Variants in HNF1A observed in about 807,000 individuals in gnomAD.
The protein encoded by HNF1A is HNF1 homeobox A, also known as hepatocyte nuclear factor 1-alpha.
In HNF1A, 21 loss-of-function variants were observed where a neutral mutation model predicts 62.2. The ratio of observed to expected loss-of-function variants is 0.34; its 90% confidence interval spans 0.24 to 0.49. HNF1A has a LOEUF of 0.49. Among genes scored for constraint, HNF1A ranks in the 20% least tolerant of loss-of-function variants. HNF1A has a pLI of 0.99. For synonymous variants in HNF1A, 374 were observed against 366.8 expected (o/e 1.02, Z -0.22); for missense variants, 687 against 832.3 (o/e 0.83, Z 2.15).
chr12:120,984,546 T>G (rs1876416070), intron 1 of HNF1A, among the ~76,000 whole-genome samples: 1 of 151,746 alleles, frequency 6.6e-6, no homozygotes, highest in Admixed American at 6.6e-5. Flanking sequence ...TGGCTGCAGA[T>G]GGGGGAGGGG....
chr12:120,997,780 G>C (rs1048657826), intron 7 of HNF1A, 115 bp downstream of exon 7: 2 of 1,122,756 alleles, frequency 1.8e-6, no homozygotes, highest in African/African-American at 3.1e-5. Flanking sequence ...TCTGGGACAA[G>C]TGTGTTTCCG....
chr12:120,988,739 C>T, intron 1 of HNF1A, 94 bp from the exon 2 acceptor site: 1 of 1,125,576 alleles, frequency 8.9e-7, no homozygotes, highest in Non-Finnish European at 1.3e-6. Flanking sequence ...TCCCCACCCT[C>T]AGGGTTGACA....
At chr12:120,995,646 A>G (rs1490410309) in intron 4 of HNF1A, among the ~76,000 whole-genome samples, 2 of 150,624 alleles carry the variant, frequency 1.3e-5, no homozygotes, top group African/African-American at 2.5e-5. Context: ...CTGTGTTCAC[A>G]CAACTCCATC....
In HNF1A at chr12:121,001,471, TAC is replaced by T. The variant is rs1445247463; in HGVS notation, c.*281_*282del. 10 of 495,486 alleles carry T rather than the reference TAC, an allele frequency of 2.0e-5. No homozygotes were observed. The highest frequency in any genetic ancestry group is 6.5e-5 in the Admixed American group (2 of 30,608). The allele number at this position is 495,486 out of a possible 1,614,324, so 30.7% of individuals were successfully genotyped here. On this transcript the variant is annotated 3_prime_UTR_variant, in exon 10 of 10. Coordinates refer to ENST00000257555, the MANE Select transcript of HNF1A (RefSeq NM_000545.8). Reference sequence around the variant, plus strand: ...GAGGGACTGTCGCTGCTTCGTGGGATACAGTCTTCTTACTTGGAACTGAAGGG... The same window carrying T: ...GAGGGACTGTCGCTGCTTCGTGGGATAGTCTTCTTACTTGGAACTGAAGGG...
At chr12:120,986,389 T>G (rs547527746) in intron 1 of HNF1A, among the ~76,000 whole-genome samples, 80 of 152,334 alleles carry the variant, frequency 5.3e-4, no homozygotes, top group Middle Eastern at 3.4e-3. Flanking sequence ...GCAAGCAACG[T>G]GGCAAGGAAT....
chr12:120,996,204 G>A lies in HNF1A; in HGVS notation c.956-58G>A, dbSNP rs1263036936. On this transcript the variant is annotated intron_variant, in intron 4 of 9. Transcript: ENST00000257555. The surrounding 1 kb of genome is among the most constrained non-coding windows in gnomAD (Gnocchi z 4.5). ...GGAGTTTGAAGTGCTGAGGGCTGTG[G>A]AGGCAGGGGAGGGCAGGGAAGTGGG... 2.5e-6 allele frequency: 4 copies of A among 1,601,750 alleles called. No homozygotes were observed. In the East Asian group the frequency reaches 6.7e-5, roughly 27 times the overall value.
chr12:120,988,450 G>A (rs563497176), intron 1 of HNF1A, among the ~76,000 whole-genome samples: 17 of 149,838 alleles, frequency 1.1e-4, no homozygotes, highest in Non-Finnish European at 1.9e-4. Flanking sequence ...CCATCCATCC[G>A]TCCATCCACC....
intron 2 of HNF1A, among the ~76,000 whole-genome samples, chr12:120,989,864 G>C (rs1479425861): frequency 6.6e-6 from 1 of 152,146 alleles, no homozygotes; most frequent in Non-Finnish European, 1.5e-5. Flanking sequence ...AGGTCTTAAA[G>C]TGGGAGTTGA....
In HNF1A at chr12:120,999,313, G is replaced by C. The variant is rs1592897610; in HGVS notation, c.1547G>C (p.Gly516Ala). The C allele has an allele frequency of 6.2e-7, 1 of 1,613,928 alleles. No individual in the cohort carries two copies. Among genetic ancestry groups the C allele is most frequent in the Non-Finnish European group, 8.5e-7 (1 of 1,179,954 alleles). Residue 516 changes from glycine (G) to alanine (A), a missense_variant, in exon 8 of 10, where the codon GGC becomes GCC. Gly to Ala is a moderately conservative substitution (Grantham distance 60). This residue lies in a region of HNF1A where 408 missense variants were observed against 455.3 expected (regional missense o/e 0.90). Transcript: ENST00000257555. ...KPEVAQYTHT[G>A]LLPQTMLITD... The stretch of plus-strand genomic sequence containing the variant: ...GAGGTGGCCCAGTACACCCACACGG[G>C]CCTGCTCCCGCAGACTATGCTCATC...
intron 9 of HNF1A, chr12:121,000,861 G>A: frequency 1.5e-6 from 1 of 649,038 alleles, no homozygotes; most frequent in Non-Finnish European, 2.7e-6. Flanking sequence ...ATGTACTCAG[G>A]CCACTCCATG....
At chr12:120,988,698 C>A in intron 1 of HNF1A, 135 bp from the exon 2 acceptor site, 1 of 764,798 alleles carries the variant, frequency 1.3e-6, no homozygotes, top group Non-Finnish European at 2.3e-6. Context: ...ATGTGTAGGC[C>A]CCTGGGCTCC....
chr12:120,999,688 AC>A lies in HNF1A; in HGVS notation c.1768+65del, dbSNP rs193922590. On this transcript the variant is annotated intron_variant, in intron 9 of 9. Transcript: ENST00000257555. ...CCCTGCCCCCTTCCATGTTGGTCCCACCCCTTCTGTTGCTGTCCGTCACTGT... is the reference window on the plus strand; with the variant it reads ...CCCTGCCCCCTTCCATGTTGGTCCCACCCTTCTGTTGCTGTCCGTCACTGT... The A allele has an allele frequency of 1.1e-3, 1,696 of 1,559,298 alleles. 2 individuals are homozygous for A. Among genetic ancestry groups the A allele is most frequent in the Admixed American group, 1.3e-3 (76 of 57,772 alleles).
chr12:120,982,467 G>A (rs1361502670), intron 1 of HNF1A, among the ~76,000 whole-genome samples: 2 of 138,514 alleles, frequency 1.4e-5, no homozygotes, highest in South Asian at 4.6e-4. Flanking sequence ...AGGAGGGGGG[G>A]GGGACAGAGG....
At chr12:120,987,399 C>T (rs1768801076) in intron 1 of HNF1A, among the ~76,000 whole-genome samples, 1 of 148,732 alleles carries the variant, frequency 6.7e-6, no homozygotes, top group African/African-American at 2.5e-5. Context: ...GGCATGAACC[C>T]AGGAGGTGGA....
chr12:121,000,982 C>A (rs1877423386), intron 9 of HNF1A, 83 bp from the exon 10 acceptor site: 1 of 1,584,640 alleles, frequency 6.3e-7, no homozygotes, highest in African/African-American at 1.3e-5. Flanking sequence ...CCTGCCTCCC[C>A]ATCCTGAGTA....
Position 120,996,659 on chromosome 12 carries a change from C to A in HNF1A, c.1226C>A (p.Pro409His), listed in dbSNP as rs376044120. ...CAGAACCTCATCATGGCCTCACTTC[C>A]TGGGGTCATGACCATCGGGCCTGGT... ...QPQNLIMASL[P>H]GVMTIGPGEP... Residue 409 changes from proline to histidine, a missense_variant, in exon 6 of 10, where the codon CCT becomes CAT. Coordinates refer to ENST00000257555, the MANE Select transcript of HNF1A (RefSeq NM_000545.8). The surrounding 1 kb of genome is among the most constrained non-coding windows in gnomAD (Gnocchi z 4.5). 7 of 1,614,110 alleles carry A rather than the reference C, an allele frequency of 4.3e-6. No homozygotes were observed. The highest frequency in any genetic ancestry group is 5.1e-6 in the Non-Finnish European group (6 of 1,180,006).
intron 6 of HNF1A, 57 bp from the exon 7 acceptor site, chr12:120,997,417 G>T: frequency 6.5e-7 from 1 of 1,528,318 alleles, no homozygotes; most frequent in East Asian, 2.3e-5. Flanking sequence ...GGGAGGTCTT[G>T]GGCAGGGGTG....
At chr12:120,995,085 T>C (rs1299932901) in intron 4 of HNF1A, among the ~76,000 whole-genome samples, 2 of 148,736 alleles carry the variant, frequency 1.3e-5, no homozygotes, top group African/African-American at 5.0e-5. Context: ...TACATTCAAC[T>C]CCACTCCATT....
In HNF1A at chr12:120,978,656, G is replaced by C; in HGVS notation, c.-113G>C. 1 of 1,004,618 alleles carries C rather than the reference G, an allele frequency of 1.0e-6. No homozygotes were observed. The highest frequency in any genetic ancestry group is 2.4e-5 in the East Asian group (1 of 41,630). The allele number at this position is 1,004,618 out of a possible 1,614,324, so 62.2% of individuals were successfully genotyped here. A position where few individuals can be genotyped will look rare whatever the true frequency, so the allele number is the denominator to read the frequency against. ...CTAGTGGGGTTTTGGGGGGGCAGTG[G>C]GTGCAAGGAGTTTGGTTTGTGTCTG... On this transcript the variant is annotated 5_prime_UTR_variant, in exon 1 of 10. Transcript: ENST00000257555.
Sources: gnomAD v4.1 joint callset for allele counts (sites outside exome capture counted in the v4.1 genomes callset) on GRCh38, gnomAD v4.1.1 for gene constraint, gnomAD v4.1.1 regional missense constraint, Gnocchi (gnomAD v3.1) non-coding constraint, MANE v1.5 for transcripts, NCBI Gene and HGNC (gene_info 2026-07-23, HGNC 2026-07-21) for gene names.